The following BRAF variants were observed in gnomAD, a reference collection of about 807,000 sequenced individuals.
BRAF encodes serine/threonine-protein kinase B-raf.
In BRAF, 16 loss-of-function variants were observed where a neutral mutation model predicts 104.6. The observed-to-expected ratio is 0.15, with a 90% CI of 0.10 to 0.23. The LOEUF (loss-of-function observed/expected upper bound fraction) is 0.23, where lower values mean the gene tolerates loss of function less well. Ranked by LOEUF, BRAF falls within the 10% of genes least tolerant of loss-of-function variation. The pLI is 1.00. For missense variants in BRAF, 541 were observed against 937.3 expected (o/e 0.58, Z 5.52); for synonymous variants, 310 against 341.6 (o/e 0.91, Z 1.02).
intron 1 of BRAF, among the ~76,000 whole-genome samples, chr7:140,915,080 C>G (rs1164766225): frequency 7.0e-6 from 1 of 142,168 alleles, no homozygotes; most frequent in Non-Finnish European, 1.5e-5. Flanking sequence ...ACCATACCTA[C>G]TTAAGACTTA....
intron 1 of BRAF, among the ~76,000 whole-genome samples, chr7:140,895,473 A>G (rs983778409): frequency 5.3e-5 from 8 of 152,240 alleles, no homozygotes; most frequent in South Asian, 2.1e-4. Context: ...ATGAAACTAT[A>G]TATTATTAAC....
chr7:140,858,658 T>C lies in BRAF; in HGVS notation c.139-8446A>G, dbSNP rs187242486. Reference sequence around the variant, plus strand: ...GCAAGAGACATTCTTGGGACAACCATGGAAATCTGAACACATATCAGATGT... The same window carrying C: ...GCAAGAGACATTCTTGGGACAACCACGGAAATCTGAACACATATCAGATGT... On this transcript the variant is annotated intron_variant, in intron 1 of 19. Transcript: ENST00000644969. Among the ~76,000 whole-genome samples the C allele has an allele frequency of 5.5e-4, 83 of 152,288 alleles. 1 individual carries two copies. The East Asian group carries it at 0.013, about 24-fold the overall frequency.
intron 8 of BRAF, among the ~76,000 whole-genome samples, chr7:140,793,385 A>G (rs1255740566): frequency 1.3e-5 from 2 of 152,180 alleles, no homozygotes; most frequent in Non-Finnish European, 2.9e-5. Context: ...AAGGAAAACT[A>G]GTACTAGAAA....
Position 140,781,664 on chromosome 7 carries a change from A to G in BRAF, c.1464T>C (p.Asp488=). ...MKTLGRRDSS[D]DWEIPDGQIT... Reference sequence around the variant, plus strand: ...TCTGCCCATCAGGAATCTCCCAATCATCACTCGAGTCCCGTCTACCAAGTG... The same window carrying G: ...TCTGCCCATCAGGAATCTCCCAATCGTCACTCGAGTCCCGTCTACCAAGTG... The change falls in exon 12 of 20, where the codon GAT becomes GAC. Residue 488 remains aspartate, a synonymous_variant. Coordinates refer to ENST00000644969, the MANE Select transcript of BRAF (RefSeq NM_001374258.1). The G allele has an allele frequency of 6.2e-7, 1 of 1,614,048 alleles. No homozygotes were observed. Among genetic ancestry groups the G allele is most frequent in the East Asian group, 2.2e-5 (1 of 44,856 alleles).
Position 140,792,451 on chromosome 7 carries a change from C to T in BRAF, c.1140+1857G>A, listed in dbSNP as rs570270841. On this transcript the variant is annotated intron_variant, in intron 8 of 19. Coordinates refer to ENST00000644969, the MANE Select transcript of BRAF (RefSeq NM_001374258.1). Reference sequence around the variant, plus strand: ...CTTCCACCATTCCCCAAGCCTTCTCCTGGACCCTAAACTTCAATATCAACT... The same window carrying T: ...CTTCCACCATTCCCCAAGCCTTCTCTTGGACCCTAAACTTCAATATCAACT... Among the ~76,000 whole-genome samples the T allele has an allele frequency of 9.8e-5, 15 of 152,328 alleles. No individual in the cohort carries two copies. In the South Asian group the frequency reaches 2.9e-3, roughly 29 times the overall value.
At chr7:140,900,528 T>C (rs1020236490) in intron 1 of BRAF, among the ~76,000 whole-genome samples, 11 of 152,238 alleles carry the variant, frequency 7.2e-5, no homozygotes, top group Admixed American at 2.0e-4. Context: ...CCTACCCATA[T>C]GTAAGAATAT....
chr7:140,714,856 G>T (rs2130808608), downstream of BRAF, among the ~76,000 whole-genome samples: 1 of 152,276 alleles, frequency 6.6e-6, no homozygotes, highest in African/African-American at 2.4e-5. Flanking sequence ...TTGAACTTTT[G>T]ACTGGTCAGG....
chr7:140,727,719 C>A (rs1227683550), intron 19 of BRAF, among the ~76,000 whole-genome samples: 1 of 152,088 alleles, frequency 6.6e-6, no homozygotes, highest in Non-Finnish European at 1.5e-5. Flanking sequence ...CTCCTGGGCT[C>A]ATGCCATTCT....
At chr7:140,717,260 C>CTGAT (rs938983532), downstream of BRAF, among the ~76,000 whole-genome samples, 8 of 152,060 alleles carry the variant, frequency 5.3e-5, no homozygotes, top group African/African-American at 1.9e-4. Flanking sequence ...TATTCAGCAA[C>CTGAT]TGATAGGAGA....
chr7:140,856,541 A>T (rs1036531994), intron 1 of BRAF, among the ~76,000 whole-genome samples: 1 of 152,214 alleles, frequency 6.6e-6, no homozygotes, highest in African/African-American at 2.4e-5. Context: ...AAGCATGAGG[A>T]AACTATAAAG....
At chr7:140,856,118 T>C (rs1214702167) in intron 1 of BRAF, among the ~76,000 whole-genome samples, 1 of 148,756 alleles carries the variant, frequency 6.7e-6, no homozygotes, top group East Asian at 1.9e-4. Flanking sequence ...TAATAGTATA[T>C]ATAAATATAT....
Position 140,739,956 on chromosome 7 carries a change from G to C in BRAF, c.2113-10C>G. The C allele has an allele frequency of 6.2e-7, 1 of 1,605,774 alleles. No homozygotes were observed. The highest frequency in any genetic ancestry group is 8.5e-7 in the Non-Finnish European group (1 of 1,176,862). ...CCACCATAAAAATTATCTGGAGAGAGAAAAAAAAGGGAAATAATTCAACCT... is the reference window on the plus strand; with the variant it reads ...CCACCATAAAAATTATCTGGAGAGACAAAAAAAAGGGAAATAATTCAACCT... On this transcript the variant is annotated splice_polypyrimidine_tract_variant and intron_variant, in intron 17 of 19. Transcript: ENST00000644969.
chr7:140,881,712 G>A (rs1301102623), intron 1 of BRAF, among the ~76,000 whole-genome samples: 6 of 152,156 alleles, frequency 3.9e-5, no homozygotes, highest in Non-Finnish European at 8.8e-5. Flanking sequence ...CAAGAGACAT[G>A]TGACTCTTGG....
rs201328488 is a variant in BRAF at position 140,728,546 on chromosome 7, A to AT, written c.2402-2031dup. ...AAGAGGATTGGGGAATCTAGCACTGATTTAAAAAAAAAAAAAGGCTAAATT... is the reference window on the plus strand; with the variant it reads ...AAGAGGATTGGGGAATCTAGCACTGATTTTAAAAAAAAAAAAAGGCTAAATT... On this transcript the variant is annotated intron_variant, in intron 19 of 19. Coordinates refer to ENST00000644969, the MANE Select transcript of BRAF (RefSeq NM_001374258.1). Among the ~76,000 whole-genome samples, 8 of 151,674 alleles carry AT rather than the reference A, an allele frequency of 5.3e-5. No individual in the cohort carries two copies. The East Asian group carries it at 1.2e-3, about 22-fold the overall frequency.
intron 1 of BRAF, among the ~76,000 whole-genome samples, chr7:140,868,486 C>T (rs1029660144): frequency 6.6e-6 from 1 of 152,006 alleles, no homozygotes; most frequent in African/African-American, 2.4e-5. Context: ...CAAAAAACCA[C>T]ACAGTGTATG....
chr7:140,797,728 A>G (rs927018336), intron 7 of BRAF, among the ~76,000 whole-genome samples: 1 of 152,232 alleles, frequency 6.6e-6, no homozygotes. Flanking sequence ...AGGCCAAGCT[A>G]ATTTCATTAG....
intron 1 of BRAF, among the ~76,000 whole-genome samples, chr7:140,910,844 T>C (rs965317016): frequency 6.6e-5 from 10 of 151,906 alleles, no homozygotes; most frequent in African/African-American, 2.4e-4. Context: ...AGCTAATTTT[T>C]TGTAGAGACA....
intron 17 of BRAF, among the ~76,000 whole-genome samples, chr7:140,748,347 T>C (rs934555961): frequency 2.0e-5 from 3 of 152,164 alleles, no homozygotes; most frequent in Admixed American, 2.0e-4. Flanking sequence ...AAAAAATCTT[T>C]AGATTGGTGA....
chr7:140,717,907 G>A (rs945029663), downstream of BRAF, among the ~76,000 whole-genome samples: 8 of 152,210 alleles, frequency 5.3e-5, no homozygotes, highest in South Asian at 2.1e-4. Context: ...TATTTTTAGC[G>A]TGGGTGTCTT....
Sources: allele counts gnomAD v4.1 joint callset (sites outside exome capture counted in the v4.1 genomes callset), GRCh38; gene constraint gnomAD v4.1.1; transcripts MANE v1.5; gene names NCBI Gene and HGNC (gene_info 2026-07-23, HGNC 2026-07-21).